GRID1: variants seen among roughly 807,000 people sequenced by gnomAD.
The protein encoded by GRID1 is glutamate ionotropic receptor delta type subunit 1, also known as glutamate receptor ionotropic, delta-1.
GRID1 carries 28 observed loss-of-function variants against 98.0 expected under a neutral mutation model. That is an observed-to-expected ratio of 0.29 (90% CI 0.21 to 0.39). The LOEUF is 0.39. Ranked by LOEUF, GRID1 falls within the 10% of genes least tolerant of loss-of-function variation. GRID1 has a pLI of 1.00. For synonymous variants in GRID1, 553 were observed against 538.5 expected (o/e 1.03, Z -0.37); for missense variants, 1,111 against 1,340.5 (o/e 0.83, Z 2.67).
chr10:86,141,830 C>T (rs542117077), intron 3 of GRID1, among the ~76,000 whole-genome samples: 2 of 152,336 alleles, frequency 1.3e-5, no homozygotes, highest in South Asian at 2.1e-4. Flanking sequence ...CTGGAGAAAC[C>T]GCCTTTAACC....
At position 86,138,807 on chromosome 10, in the gene GRID1, C is replaced by A. The variant is rs201542624; in HGVS notation, c.726+12G>T. On this transcript the variant is annotated intron_variant, in intron 4 of 15. Coordinates refer to ENST00000327946, the MANE Select transcript of GRID1 (RefSeq NM_017551.3). ...CACCAGGCCCCTGAGGCCTCAGGCC[C>A]CCATGACCTACCTCGTTGATGAAGG... The A allele has an allele frequency of 6.2e-7, 1 of 1,611,318 alleles. No individual in the cohort carries two copies.
intron 2 of GRID1, among the ~76,000 whole-genome samples, chr10:86,307,920 T>C (rs1269807317): frequency 1.3e-5 from 2 of 152,218 alleles, no homozygotes; most frequent in Admixed American, 6.5e-5. Flanking sequence ...AAACATGAGA[T>C]CTACGCTCTG....
chr10:86,109,431 T>A (rs972298742), intron 4 of GRID1, among the ~76,000 whole-genome samples: 1 of 152,206 alleles, frequency 6.6e-6, no homozygotes, highest in African/African-American at 2.4e-5. Context: ...ATTGCTGTCA[T>A]CAGGCTGAGG....
chr10:85,891,405 G>A (rs1841198467), intron 5 of GRID1, among the ~76,000 whole-genome samples: 1 of 152,020 alleles, frequency 6.6e-6, no homozygotes, highest in South Asian at 2.1e-4. Flanking sequence ...GTAGACCCAA[G>A]TGTAAAGATA....
intron 5 of GRID1, among the ~76,000 whole-genome samples, chr10:85,875,558 T>A (rs928800947): frequency 1.3e-5 from 2 of 152,162 alleles, no homozygotes; most frequent in Non-Finnish European, 2.9e-5. Flanking sequence ...TTTCTCTTTA[T>A]TCCTTGTTTG....
At chr10:85,678,958 A>G (rs1462024462) in intron 12 of GRID1, among the ~76,000 whole-genome samples, 1 of 151,778 alleles carries the variant, frequency 6.6e-6, no homozygotes, top group Non-Finnish European at 1.5e-5. Context: ...CTGCTGCTTA[A>G]CATGCATTAT....
At chr10:86,154,485 T>C (rs552171376) in intron 3 of GRID1, among the ~76,000 whole-genome samples, 46 of 152,238 alleles carry the variant, frequency 3.0e-4, no homozygotes, top group African/African-American at 8.4e-4. Context: ...GTCCACACCC[T>C]GGTCTCCAGA....
intron 3 of GRID1, among the ~76,000 whole-genome samples, chr10:86,160,576 A>G (rs1423658724): frequency 6.6e-6 from 1 of 152,194 alleles, no homozygotes; most frequent in Non-Finnish European, 1.5e-5. Context: ...GGTGGTCACC[A>G]TTTTCAGACC....
intron 4 of GRID1, among the ~76,000 whole-genome samples, chr10:86,074,652 GTAAACA>G (rs1211120236): frequency 6.6e-6 from 1 of 152,168 alleles, no homozygotes; most frequent in African/African-American, 2.4e-5. Flanking sequence ...CAGTGCCACA[GTAAACA>G]TAGGGGTCAA....
chr10:86,114,425 C>G (rs1844541253), intron 4 of GRID1, among the ~76,000 whole-genome samples: 1 of 152,168 alleles, frequency 6.6e-6, no homozygotes, highest in Non-Finnish European at 1.5e-5. Flanking sequence ...TCCCACAGCC[C>G]TGTGAAGGAG....
chr10:86,284,324 T>C (rs1287627844), intron 2 of GRID1, among the ~76,000 whole-genome samples: 1 of 152,116 alleles, frequency 6.6e-6, no homozygotes, highest in Admixed American at 6.5e-5. Context: ...CCCACCCTTG[T>C]CTGGTCATTG....
Position 86,350,233 on chromosome 10 carries a change from T to C in GRID1, c.235+13708A>G, listed in dbSNP as rs573400426. Among the ~76,000 whole-genome samples the C allele has an allele frequency of 6.2e-4, 95 of 152,350 alleles. 2 individuals carry two copies. Among genetic ancestry groups the C allele is most frequent in the African/African-American group, 1.9e-3 (81 of 41,570 alleles). On this transcript the variant is annotated intron_variant, in intron 2 of 15. Coordinates refer to ENST00000327946, the MANE Select transcript of GRID1 (RefSeq NM_017551.3). ...AGCTTTTGTCGGGGTCCTTGGGGACTTGCAGCCCTGGCAAGGGGTCTGGAT... is the reference window on the plus strand; with the variant it reads ...AGCTTTTGTCGGGGTCCTTGGGGACCTGCAGCCCTGGCAAGGGGTCTGGAT...
At chr10:85,977,206 G>T (rs193126212) in intron 4 of GRID1, among the ~76,000 whole-genome samples, 1 of 152,158 alleles carries the variant, frequency 6.6e-6, no homozygotes, top group Admixed American at 6.5e-5. Flanking sequence ...TTCCAAAAAC[G>T]CTTAGAAAAG....
chr10:85,808,503 A>G (rs970567014), intron 8 of GRID1, among the ~76,000 whole-genome samples: 1 of 152,248 alleles, frequency 6.6e-6, no homozygotes, highest in African/African-American at 2.4e-5. Flanking sequence ...AAATTAGCAC[A>G]TATTTCAGAG....
At chr10:85,954,374 C>T (rs1842163396) in intron 4 of GRID1, among the ~76,000 whole-genome samples, 1 of 152,142 alleles carries the variant, frequency 6.6e-6, no homozygotes, top group African/African-American at 2.4e-5. Flanking sequence ...TCTCTTTATC[C>T]TATGTCCTAA....
At chr10:85,634,435 T>C (rs138894820) in intron 13 of GRID1, among the ~76,000 whole-genome samples, 111 of 152,180 alleles carry the variant, frequency 7.3e-4, no homozygotes, top group African/African-American at 2.5e-3. Flanking sequence ...CTACTTCTAC[T>C]CAAATATGTT....
intron 12 of GRID1, among the ~76,000 whole-genome samples, chr10:85,671,421 A>G (rs1233232027): frequency 1.3e-5 from 2 of 152,112 alleles, no homozygotes; most frequent in Non-Finnish European, 2.9e-5. Context: ...GTGATCTATG[A>G]TCAGTGATTT....
chr10:85,951,604 G>C (rs904670078), intron 4 of GRID1, among the ~76,000 whole-genome samples: 1 of 152,160 alleles, frequency 6.6e-6, no homozygotes, highest in Non-Finnish European at 1.5e-5. Context: ...GCCTTATGAA[G>C]TTTCATTGCA....
intron 8 of GRID1, among the ~76,000 whole-genome samples, chr10:85,813,765 T>C (rs964878896): frequency 3.4e-4 from 52 of 151,998 alleles, no homozygotes; most frequent in African/African-American, 1.3e-3. Flanking sequence ...TGTGTGCAAC[T>C]GAATGTTGAA....
Sources: gnomAD v4.1 joint callset for allele counts (sites outside exome capture counted in the v4.1 genomes callset) on GRCh38, gnomAD v4.1.1 for gene constraint, MANE v1.5 for transcripts, NCBI Gene and HGNC (gene_info 2026-07-23, HGNC 2026-07-21) for gene names.